Variants in TYW1 observed in about 807,000 individuals in gnomAD.
TYW1 encodes S-adenosyl-L-methionine-dependent tRNA 4-demethylwyosine synthase TYW1.
TYW1 carries 46 observed loss-of-function variants against 96.2 expected under a neutral mutation model. The observed-to-expected ratio is 0.48, with a 90% CI of 0.38 to 0.61. The LOEUF is 0.61. Ranked by LOEUF, TYW1 falls within the 20% of genes least tolerant of loss-of-function variation. The probability of loss-of-function intolerance (pLI) is 0.00; values close to 1 mark genes in which losing one functional copy is unlikely to be tolerated. For missense variants in TYW1, 684 were observed against 909.6 expected (o/e 0.75, Z 3.19); for synonymous variants, 274 against 323.0 (o/e 0.85, Z 1.63).
chr7:67,236,006 T>C (rs182904012), intron 15 of TYW1, among the ~76,000 whole-genome samples: 1 of 150,878 alleles, frequency 6.6e-6, no homozygotes, highest in African/African-American at 2.4e-5. Flanking sequence ...GCAGGCTTGG[T>C]GGGGTGGAAT....
intron 10 of TYW1, among the ~76,000 whole-genome samples, chr7:67,080,668 G>T (rs1305791668): frequency 4.6e-5 from 7 of 152,068 alleles, no homozygotes; most frequent in Non-Finnish European, 8.8e-5. Flanking sequence ...CAAAGTGATG[G>T]GATTACAGGC....
At chr7:67,131,011 A>G (rs1364205262) in intron 13 of TYW1, among the ~76,000 whole-genome samples, 5 of 152,134 alleles carry the variant, frequency 3.3e-5, no homozygotes, top group Non-Finnish European at 7.3e-5. Flanking sequence ...TGACTGACAC[A>G]TGATTGCCAC....
chr7:67,017,794 G>A (rs1248517664), intron 5 of TYW1, 59 bp from the exon 6 acceptor site: 1 of 1,556,844 alleles, frequency 6.4e-7, no homozygotes, highest in Non-Finnish European at 8.7e-7. Flanking sequence ...TTGCAGAGCA[G>A]TCTGGAAAAC....
At chr7:67,137,530 A>C (rs1798303885) in intron 13 of TYW1, among the ~76,000 whole-genome samples, 1 of 152,214 alleles carries the variant, frequency 6.6e-6, no homozygotes, top group Non-Finnish European at 1.5e-5. Context: ...TTGACAGCCT[A>C]CCTAACAGGA....
intron 15 of TYW1, 80 bp from the exon 16 acceptor site, chr7:67,238,228 T>C: frequency 6.4e-7 from 1 of 1,573,112 alleles, no homozygotes. Context: ...AGATCAGACT[T>C]GTTCATGATT....
intron 15 of TYW1, among the ~76,000 whole-genome samples, chr7:67,222,184 G>A (rs1160938257): frequency 6.6e-6 from 1 of 151,880 alleles, no homozygotes; most frequent in Admixed American, 6.6e-5. Flanking sequence ...GCAACAGAGC[G>A]AGACTCCATC....
At chr7:67,217,345 T>C (rs1801230092) in intron 15 of TYW1, among the ~76,000 whole-genome samples, 1 of 152,230 alleles carries the variant, frequency 6.6e-6, no homozygotes, top group South Asian at 2.1e-4. Context: ...TTCAATGTCA[T>C]GAAGCTTTTG....
intron 13 of TYW1, among the ~76,000 whole-genome samples, chr7:67,148,182 T>G (rs1462263924): frequency 6.6e-6 from 1 of 151,952 alleles, no homozygotes; most frequent in Non-Finnish European, 1.5e-5. Flanking sequence ...AACATGGACA[T>G]GTAGGTAGAG....
intron 7 of TYW1, among the ~76,000 whole-genome samples, chr7:67,026,714 C>CT (rs1297489117): frequency 6.6e-6 from 1 of 151,132 alleles, no homozygotes; most frequent in African/African-American, 2.4e-5. Flanking sequence ...TTTTTTGAGA[C>CT]GGAGTCTTGC....
intron 13 of TYW1, among the ~76,000 whole-genome samples, chr7:67,159,145 G>A (rs3107598): frequency 2.6e-5 from 4 of 151,930 alleles, no homozygotes; most frequent in African/African-American, 7.2e-5. Context: ...GTAATATATC[G>A]TGATCCTTTG....
At chr7:67,039,463 A>G (rs1462659149) in intron 7 of TYW1, among the ~76,000 whole-genome samples, 2 of 151,822 alleles carry the variant, frequency 1.3e-5, no homozygotes, top group East Asian at 3.9e-4. Flanking sequence ...GTCTCAAAAA[A>G]AAAAAAAAGA....
intron 15 of TYW1, among the ~76,000 whole-genome samples, chr7:67,229,266 G>A (rs555138676): frequency 3.3e-5 from 5 of 152,274 alleles, no homozygotes; most frequent in South Asian, 2.1e-4. Flanking sequence ...GGCCGGGTGC[G>A]GTGGCTCATG....
rs34088521 is a variant in TYW1, at chr7:67,006,438, C to CTTTT, written c.274-3129_274-3126dup. The stretch of plus-strand genomic sequence containing the variant: ...CCCAATCTCAGGTATTTCTTTTTTC[C>CTTTT]TTTTTTTTTTTTTTTTTTTGAGATG... On this transcript the variant is annotated intron_variant, in intron 3 of 15. Transcript: ENST00000359626. Among the ~76,000 whole-genome samples the CTTTT allele has an allele frequency of 2.9e-4, 33 of 114,762 alleles. 2 individuals carry two copies. Among genetic ancestry groups the CTTTT allele is most frequent in the Non-Finnish European group, 3.8e-4 (22 of 58,358 alleles). 75.3% of individuals were successfully genotyped at this position (114,762 alleles called of 152,430 possible).
intron 13 of TYW1, among the ~76,000 whole-genome samples, chr7:67,127,320 G>A (rs774317632): frequency 6.6e-6 from 1 of 151,666 alleles, no homozygotes; most frequent in Non-Finnish European, 1.5e-5. Context: ...CATTACACTT[G>A]GCTAATTTTT....
intron 3 of TYW1, 104 bp downstream of exon 3, chr7:66,999,058 A>C (rs577374228): frequency 9.5e-6 from 11 of 1,160,714 alleles, no homozygotes; most frequent in Non-Finnish European, 1.2e-5. Flanking sequence ...AGTGAACTGA[A>C]TTGGTCATCT....
chr7:67,210,919 ACCATCCAT>A (rs57804156), intron 15 of TYW1, among the ~76,000 whole-genome samples: 12 of 130,292 alleles, frequency 9.2e-5, no homozygotes, highest in African/African-American at 3.5e-4. Context: ...CATCTATCCA[ACCATCCAT>A]CCATCCATCC....
chr7:67,213,288 C>G (rs1294247492), intron 15 of TYW1, among the ~76,000 whole-genome samples: 1 of 152,134 alleles, frequency 6.6e-6, no homozygotes. Context: ...CCACCTCACT[C>G]TCTTAAGTAG....
At chr7:67,152,726 C>T (rs1395922107) in intron 13 of TYW1, among the ~76,000 whole-genome samples, 1 of 152,084 alleles carries the variant, frequency 6.6e-6, no homozygotes, top group Admixed American at 6.6e-5. Flanking sequence ...CTCAGCCTCC[C>T]GAGTAGCTGG....
intron 2 of TYW1, among the ~76,000 whole-genome samples, 198 bp downstream of exon 2, chr7:66,998,393 G>A (rs1346303165): frequency 6.6e-6 from 1 of 152,072 alleles, no homozygotes; most frequent in African/African-American, 2.4e-5. Context: ...TCTTTGATAG[G>A]TGTGTCTCAT....
Sources: allele counts gnomAD v4.1 joint callset (sites outside exome capture counted in the v4.1 genomes callset), GRCh38; gene constraint gnomAD v4.1.1; transcripts MANE v1.5; gene names NCBI Gene and HGNC (gene_info 2026-07-23, HGNC 2026-07-21).